KCNAB1: variants seen among roughly 807,000 people sequenced by gnomAD.
KCNAB1 encodes voltage-gated potassium channel subunit beta-1.
A neutral mutation model predicts 64.6 loss-of-function variants in KCNAB1; 35 were observed. The observed-to-expected ratio is 0.54, with a 90% CI of 0.41 to 0.72. The LOEUF is 0.72. KCNAB1 is among the 30% of genes least tolerant of loss of function. The pLI, the probability that KCNAB1 is intolerant of heterozygous loss-of-function variation, is 0.00. For synonymous variants in KCNAB1, 177 were observed against 183.8 expected (o/e 0.96, Z 0.30); for missense variants, 401 against 512.9 (o/e 0.78, Z 2.11).
intron 12 of KCNAB1, among the ~76,000 whole-genome samples, chr3:156,526,258 C>T (rs1402011585): frequency 6.6e-6 from 1 of 152,162 alleles, no homozygotes; most frequent in African/African-American, 2.4e-5. Flanking sequence ...CTATGATGTT[C>T]ACACAATGAG....
chr3:156,467,813 A>G (rs1355242158), intron 7 of KCNAB1, among the ~76,000 whole-genome samples: 1 of 152,162 alleles, frequency 6.6e-6, no homozygotes, highest in Admixed American at 6.5e-5. Context: ...AAAGAATTAT[A>G]CAAATTTTAA....
Position 156,324,413 on chromosome 3 carries a change from A to G in KCNAB1, c.276-97203A>G, listed in dbSNP as rs1206889837. 3.9e-5 allele frequency among the ~76,000 whole-genome samples: 6 copies of G among 152,164 alleles called. No individual in the cohort carries two copies. In the East Asian group the frequency reaches 9.6e-4, roughly 24 times the overall value. On this transcript the variant is annotated intron_variant, in intron 1 of 13. Coordinates refer to ENST00000490337, the MANE Select transcript of KCNAB1 (RefSeq NM_172160.3). ...TGCTCTATAATTTTCACTCATCTCC[A>G]GGGAAATGTTGCCCATGTATGTTTC...
chr3:156,402,325 G>C (rs1713964160), intron 1 of KCNAB1, among the ~76,000 whole-genome samples: 1 of 152,024 alleles, frequency 6.6e-6, no homozygotes, highest in African/African-American at 2.4e-5. Flanking sequence ...GTATTTTTCT[G>C]TTCACTTAGA....
rs376525340 is a variant in KCNAB1 at position 156,160,854 on chromosome 3, T to C, written c.275+39968T>C. On this transcript the variant is annotated intron_variant, in intron 1 of 13. Coordinates refer to ENST00000490337, the MANE Select transcript of KCNAB1 (RefSeq NM_172160.3). ...TTAAGAGGTTGTCTAGAAGGGAAAA[T>C]GCTCATTGATCTAATTAGGCCCGGA... Among the ~76,000 whole-genome samples the C allele has an allele frequency of 3.8e-4, 58 of 152,316 alleles. No homozygotes were observed. In the South Asian group the frequency reaches 0.011, roughly 30 times the overall value.
intron 1 of KCNAB1, among the ~76,000 whole-genome samples, chr3:156,350,708 C>T (rs1192081765): frequency 6.6e-6 from 1 of 152,172 alleles, no homozygotes; most frequent in African/African-American, 2.4e-5. Flanking sequence ...TAAAGCATTT[C>T]AGAAGTTAAG....
At chr3:156,220,597 T>C (rs1250817995) in intron 1 of KCNAB1, among the ~76,000 whole-genome samples, 1 of 152,194 alleles carries the variant, frequency 6.6e-6, no homozygotes, top group Non-Finnish European at 1.5e-5. Flanking sequence ...TTTAAGTTCT[T>C]TGTAGATTCT....
chr3:156,260,925 T>C (rs1244504562), intron 1 of KCNAB1, among the ~76,000 whole-genome samples: 5 of 152,170 alleles, frequency 3.3e-5, no homozygotes, highest in Non-Finnish European at 7.4e-5. Context: ...AAAAAAATTA[T>C]TATAGCCATT....
chr3:156,372,866 T>C (rs564538115), intron 1 of KCNAB1, among the ~76,000 whole-genome samples: 1 of 152,212 alleles, frequency 6.6e-6, no homozygotes, highest in Non-Finnish European at 1.5e-5. Flanking sequence ...CCACCGAAAC[T>C]TTAAATGATG....
At chr3:156,286,433 C>T (rs1720102563) in intron 1 of KCNAB1, among the ~76,000 whole-genome samples, 1 of 152,096 alleles carries the variant, frequency 6.6e-6, no homozygotes, top group Non-Finnish European at 1.5e-5. Flanking sequence ...CCCAATTTTG[C>T]CTGGCTGCAT....
At chr3:156,462,745 C>A (rs948300598) in intron 5 of KCNAB1, among the ~76,000 whole-genome samples, 1 of 152,156 alleles carries the variant, frequency 6.6e-6, no homozygotes, top group Non-Finnish European at 1.5e-5. Flanking sequence ...TTATTTCAAG[C>A]GCTCCTGAAG....
At chr3:156,471,368 C>A (rs1182467525) in intron 7 of KCNAB1, among the ~76,000 whole-genome samples, 4 of 151,902 alleles carry the variant, frequency 2.6e-5, no homozygotes. Context: ...TTTTTTTTTA[C>A]TGTAGTCACT....
chr3:156,180,512 C>T (rs945688652), intron 1 of KCNAB1, among the ~76,000 whole-genome samples: 4 of 151,674 alleles, frequency 2.6e-5, no homozygotes, highest in African/African-American at 9.7e-5. Context: ...CTGGAGAATA[C>T]CAAAAACAAA....
At chr3:156,428,032 T>C (rs1315404612) in intron 2 of KCNAB1, among the ~76,000 whole-genome samples, 5 of 152,152 alleles carry the variant, frequency 3.3e-5, no homozygotes, top group South Asian at 2.1e-4. Context: ...GCAGGCAAGA[T>C]GTCTGCAAGA....
At chr3:156,282,006 A>T (rs1438895513) in intron 1 of KCNAB1, among the ~76,000 whole-genome samples, 1 of 151,228 alleles carries the variant, frequency 6.6e-6, no homozygotes, top group Non-Finnish European at 1.5e-5. Flanking sequence ...GCTTTCTGCT[A>T]GCTTTTGAAT....
chr3:156,130,425 A>G (rs1387107819), intron 1 of KCNAB1, among the ~76,000 whole-genome samples: 1 of 152,218 alleles, frequency 6.6e-6, no homozygotes, highest in Non-Finnish European at 1.5e-5. Flanking sequence ...TGTTTATTGA[A>G]TATTTATTAT....
Position 156,438,963 on chromosome 3 carries a change from G to A in KCNAB1, c.320-13936G>A, listed in dbSNP as rs1396589305. ...CGGGAGGCGGAGGTTGCAGTGAGCC[G>A]AGGTTGTGCCATTGCACTCCAGTCT... On this transcript the variant is annotated intron_variant, in intron 2 of 13. Coordinates refer to ENST00000490337, the MANE Select transcript of KCNAB1 (RefSeq NM_172160.3). Among the ~76,000 whole-genome samples, 6 of 151,904 alleles carry A rather than the reference G, an allele frequency of 3.9e-5. No individual in the cohort carries two copies. In the East Asian group the frequency reaches 5.8e-4, roughly 15 times the overall value.
In KCNAB1 at chr3:156,457,518, C is replaced by A; in HGVS notation, c.423C>A (p.Val141=). The A allele has an allele frequency of 6.2e-7, 1 of 1,613,758 alleles. No homozygotes were observed. Among genetic ancestry groups the A allele is most frequent in the Non-Finnish European group, 8.5e-7 (1 of 1,179,696 alleles). Residue 141 remains valine (V), a synonymous_variant, in exon 4 of 14, where the codon GTC becomes GTA. Coordinates refer to ENST00000490337, the MANE Select transcript of KCNAB1 (RefSeq NM_172160.3). ...SGVNLFDTAE[V]YAAGKAEVIL... Reference sequence around the variant, plus strand: ...TTAACCTCTTTGATACTGCCGAAGTCTATGCTGCTGGAAAGTAAGTCAGTA... The same window carrying A: ...TTAACCTCTTTGATACTGCCGAAGTATATGCTGCTGGAAAGTAAGTCAGTA...
intron 2 of KCNAB1, among the ~76,000 whole-genome samples, chr3:156,447,849 C>T (rs1711691563): frequency 6.6e-6 from 1 of 152,166 alleles, no homozygotes; most frequent in Non-Finnish European, 1.5e-5. Flanking sequence ...TTGATAATTG[C>T]ACTATGGTGA....
chr3:156,495,483 T>C (rs1372358087), intron 8 of KCNAB1, among the ~76,000 whole-genome samples: 2 of 152,152 alleles, frequency 1.3e-5, no homozygotes, highest in Non-Finnish European at 2.9e-5. Flanking sequence ...TCAACCTAAA[T>C]ACCCACCAGT....
Sources: allele counts gnomAD v4.1 joint callset (sites outside exome capture counted in the v4.1 genomes callset), GRCh38; gene constraint gnomAD v4.1.1; transcripts MANE v1.5; gene names NCBI Gene and HGNC (gene_info 2026-07-23, HGNC 2026-07-21).